ACYP2: variants seen among roughly 807,000 people sequenced by gnomAD.
The protein encoded by ACYP2 is acylphosphatase-2.
ACYP2 carries 12 observed loss-of-function variants against 11.2 expected under a neutral mutation model. The observed-to-expected ratio is 1.08, with a 90% CI of 0.69 to 1.74. The LOEUF is 1.74. Among genes scored for constraint, ACYP2 ranks in the 40% most tolerant of loss-of-function variants. The pLI, the probability that ACYP2 is intolerant of heterozygous loss-of-function variation, is 0.00. For synonymous variants in ACYP2, 43 were observed against 32.2 expected (o/e 1.33, Z -1.13); for missense variants, 134 against 101.9 (o/e 1.31, Z -1.35).
At chr2:53,997,232 G>GT (rs1672614442) in intron 2 of ACYP2, among the ~76,000 whole-genome samples, 1 of 152,152 alleles carries the variant, frequency 6.6e-6, no homozygotes. Context: ...CTATAGTACA[G>GT]TATAGTATTG....
chr2:54,059,187 T>C (rs1203130589), intron 4 of ACYP2, among the ~76,000 whole-genome samples: 2 of 152,148 alleles, frequency 1.3e-5, no homozygotes, highest in Non-Finnish European at 2.9e-5. Flanking sequence ...GCTTTCCATC[T>C]TATCATTTTT....
At position 54,218,303 on chromosome 2, in the gene ACYP2, C is replaced by A. The variant is rs115406268; in HGVS notation, c.404+79555C>A. On this transcript the variant is annotated intron_variant, in intron 6 of 6. Transcript: ENST00000607452. ...CATCCTTGACTCCTTGACTGATTGA[C>A]CTTTCTATCCTTGTTGGTCCCTCTG... 3.9e-5 allele frequency among the ~76,000 whole-genome samples: 6 copies of A among 152,276 alleles called. No individual in the cohort carries two copies. The East Asian group carries it at 1.2e-3, about 29-fold the overall frequency.
intron 4 of ACYP2, among the ~76,000 whole-genome samples, chr2:54,071,630 T>A (rs1292873492): frequency 6.6e-6 from 1 of 152,132 alleles, no homozygotes; most frequent in Non-Finnish European, 1.5e-5. Flanking sequence ...CACACCCAGA[T>A]AATTTTTTGA....
At chr2:54,068,877 T>C (rs564936610) in intron 4 of ACYP2, among the ~76,000 whole-genome samples, 2 of 152,200 alleles carry the variant, frequency 1.3e-5, no homozygotes, top group East Asian at 1.9e-4. Context: ...ATTTCATCTT[T>C]TCATTAAATT....
chr2:54,274,313 G>T (rs1221853067), intron 6 of ACYP2, among the ~76,000 whole-genome samples: 1 of 152,012 alleles, frequency 6.6e-6, no homozygotes, highest in Non-Finnish European at 1.5e-5. Context: ...CTCCCACCAG[G>T]TTCCTCCTAT....
At chr2:54,216,622 C>T (rs1438549990) in intron 6 of ACYP2, among the ~76,000 whole-genome samples, 4 of 151,562 alleles carry the variant, frequency 2.6e-5, no homozygotes, top group African/African-American at 7.3e-5. Context: ...ACTGCAACTT[C>T]AGCCTCCTGA....
At chr2:54,250,096 C>T (rs988273911) in intron 6 of ACYP2, among the ~76,000 whole-genome samples, 4 of 152,068 alleles carry the variant, frequency 2.6e-5, no homozygotes, top group Non-Finnish European at 4.4e-5. Context: ...TAGTTTAATG[C>T]TAAATGTGAG....
chr2:54,045,613 G>A (rs756491956), intron 2 of ACYP2, among the ~76,000 whole-genome samples: 2 of 148,952 alleles, frequency 1.3e-5, no homozygotes, highest in Non-Finnish European at 3.0e-5. Context: ...TAAGGAGATC[G>A]AGACCATCCT....
chr2:54,008,575 A>T (rs1307155037), intron 2 of ACYP2, among the ~76,000 whole-genome samples: 1 of 152,188 alleles, frequency 6.6e-6, no homozygotes, highest in Non-Finnish European at 1.5e-5. Flanking sequence ...GCAAAGAATT[A>T]CATTCTTTGG....
At chr2:54,296,917 T>C (rs1393722556) in intron 6 of ACYP2, among the ~76,000 whole-genome samples, 2 of 152,172 alleles carry the variant, frequency 1.3e-5, no homozygotes, top group African/African-American at 4.8e-5. Context: ...CTGGAAGATA[T>C]ATGCACACAA....
At chr2:54,199,244 G>A (rs1342600069) in intron 6 of ACYP2, among the ~76,000 whole-genome samples, 1 of 152,134 alleles carries the variant, frequency 6.6e-6, no homozygotes, top group African/African-American at 2.4e-5. Context: ...ATGCATTGTG[G>A]TAAGCTAAAA....
intron 2 of ACYP2, among the ~76,000 whole-genome samples, chr2:54,035,043 T>C (rs1233248310): frequency 9.7e-6 from 1 of 102,676 alleles, no homozygotes; most frequent in African/African-American, 3.1e-5. Context: ...GCCTAGACTC[T>C]GGTTAAGAGG....
At position 54,084,108 on chromosome 2, in the gene ACYP2, G is replaced by C. The variant is rs114847297; in HGVS notation, c.277+26748G>C. 2.6e-5 allele frequency among the ~76,000 whole-genome samples: 4 copies of C among 151,874 alleles called. 1 individual carries two copies. Among genetic ancestry groups the C allele is most frequent in the African/African-American group, 9.7e-5 (4 of 41,414 alleles). On this transcript the variant is annotated intron_variant, in intron 4 of 6. Coordinates refer to ENST00000607452, the MANE Select transcript of ACYP2 (RefSeq NM_001320586.2). ...TATAACGTTTCTTCCATCTCTAAAG[G>C]TTCAGCTCCTTACATGGGCTTTGGT...
chr2:54,246,828 T>G (rs1686977257), intron 6 of ACYP2, among the ~76,000 whole-genome samples: 1 of 152,186 alleles, frequency 6.6e-6, no homozygotes, highest in Non-Finnish European at 1.5e-5. Context: ...AATAGTTACT[T>G]TGGGATCAAG....
At chr2:54,098,513 C>A (rs1678715616) in intron 4 of ACYP2, among the ~76,000 whole-genome samples, 3 of 152,118 alleles carry the variant, frequency 2.0e-5, no homozygotes, top group African/African-American at 4.8e-5. Flanking sequence ...TCATAGTGTC[C>A]TTTAACTTGT....
At chr2:54,001,380 A>C (rs1672790427) in intron 2 of ACYP2, among the ~76,000 whole-genome samples, 1 of 152,130 alleles carries the variant, frequency 6.6e-6, no homozygotes, top group African/African-American at 2.4e-5. Context: ...AAAAAAAATA[A>C]CAAATTTAAA....
chr2:53,984,200 G>T (rs1405182290), intron 2 of ACYP2, among the ~76,000 whole-genome samples: 1 of 152,108 alleles, frequency 6.6e-6, no homozygotes, highest in Non-Finnish European at 1.5e-5. Flanking sequence ...TAGCAATTAG[G>T]AACAAGAGCT....
chr2:54,120,390 A>C (rs1680079775), intron 4 of ACYP2, among the ~76,000 whole-genome samples: 1 of 152,164 alleles, frequency 6.6e-6, no homozygotes, highest in Non-Finnish European at 1.5e-5. Flanking sequence ...ATAATCTGAA[A>C]ATTTGAAAGG....
chr2:54,117,695 G>C (rs938171970), intron 4 of ACYP2, among the ~76,000 whole-genome samples: 13 of 152,170 alleles, frequency 8.5e-5, no homozygotes, highest in South Asian at 2.1e-4. Context: ...TTTACACTTT[G>C]GTGCAGTGTA....
Sources: gnomAD v4.1 joint callset for allele counts (sites outside exome capture counted in the v4.1 genomes callset) on GRCh38, gnomAD v4.1.1 for gene constraint, MANE v1.5 for transcripts, NCBI Gene and HGNC (gene_info 2026-07-23, HGNC 2026-07-21) for gene names.